LAMA3: variants seen among roughly 807,000 people sequenced by gnomAD.
LAMA3 encodes the protein laminin subunit alpha 3.
In LAMA3, 281 loss-of-function variants were observed where a neutral mutation model predicts 402.0. The observed-to-expected ratio is 0.70, with a 90% CI of 0.63 to 0.77. LAMA3 has a LOEUF of 0.77. Among genes scored for constraint, LAMA3 ranks in the 30% least tolerant of loss-of-function variants. The probability of loss-of-function intolerance (pLI) is 0.00; values close to 1 mark genes in which losing one functional copy is unlikely to be tolerated. For synonymous variants in LAMA3, 1,431 were observed against 1,558.4 expected (o/e 0.92, Z 1.93); for missense variants, 3,840 against 4,215.5 (o/e 0.91, Z 2.47).
intron 38 of LAMA3, chr18:23,872,925 C>G (rs2064573097): frequency 3.1e-6 from 4 of 1,297,982 alleles, no homozygotes; most frequent in East Asian, 2.4e-5. Context: ...AAGGTGGGGC[C>G]CCTGCCGCAG....
At chr18:23,901,758 A>T (rs183791028) in intron 48 of LAMA3, among the ~76,000 whole-genome samples, 1 of 152,354 alleles carries the variant, frequency 6.6e-6, no homozygotes, top group Non-Finnish European at 1.5e-5. Context: ...CTTTATAGGA[A>T]ATAAAAGTAC....
At chr18:23,817,149 A>G (rs2063191834) in intron 18 of LAMA3, among the ~76,000 whole-genome samples, 1 of 152,200 alleles carries the variant, frequency 6.6e-6, no homozygotes. Context: ...AGCAGGTGAC[A>G]ATGAACTATA....
intron 13 of LAMA3, among the ~76,000 whole-genome samples, chr18:23,812,824 G>T (rs1215793185): frequency 6.6e-6 from 1 of 152,184 alleles, no homozygotes; most frequent in Non-Finnish European, 1.5e-5. Flanking sequence ...ACTGTCATGA[G>T]TAGACAGGAT....
chr18:23,775,788 T>C lies in LAMA3; in HGVS notation c.1274-4T>C. On this transcript the variant is annotated splice_polypyrimidine_tract_variant and splice_region_variant and intron_variant, in intron 9 of 74. Coordinates refer to ENST00000313654, the MANE Select transcript of LAMA3 (RefSeq NM_198129.4). The stretch of plus-strand genomic sequence containing the variant: ...GATCCTTTGAAAACTGGGATTTCTC[T>C]TAGCCTGCAGCTGTGACCCTGAGCA... 2 of 1,614,014 alleles carry C rather than the reference T, an allele frequency of 1.2e-6. No homozygotes were observed. The highest frequency in any genetic ancestry group is 2.2e-5 in the South Asian group (2 of 91,074).
intron 6 of LAMA3, among the ~76,000 whole-genome samples, chr18:23,756,984 C>G (rs2061859725): frequency 7.2e-6 from 1 of 138,590 alleles, no homozygotes; most frequent in Non-Finnish European, 1.5e-5. Flanking sequence ...CTGGCTGAAG[C>G]ACCAGGGTGA....
Position 23,935,072 on chromosome 18 carries a change from G to A in LAMA3, c.8862+1137G>A, listed in dbSNP as rs986176929. ...TTTCATTGTAAGGCTGAAAGTTATT[G>A]AGAGACTAAATTAGCCCAGTGATGG... is the stretch of plus-strand genomic sequence containing the variant. On this transcript the variant is annotated intron_variant, in intron 67 of 74. Coordinates refer to ENST00000313654, the MANE Select transcript of LAMA3 (RefSeq NM_198129.4). 3.3e-5 allele frequency among the ~76,000 whole-genome samples: 5 copies of A among 152,306 alleles called. 1 individual carries two copies. Among genetic ancestry groups the A allele is most frequent in the East Asian group, 3.9e-4 (2 of 5,192 alleles).
At chr18:23,909,803 G>A (rs891278) in intron 55 of LAMA3, among the ~76,000 whole-genome samples, 152,365 of 152,378 alleles carry the variant, frequency 1, 76,176 homozygotes, top group Non-Finnish European at 1. Context: ...CTTGTCTCTT[G>A]AGATTTGTTT....
Position 23,839,709 on chromosome 18 carries a change from T to C in LAMA3, c.3192-76T>C. ...CCCATGCAGTCCTATGCTCCAAGTC[T>C]GTCTCTTCACTGATGGTCAGTTCTG... On this transcript the variant is annotated intron_variant, in intron 26 of 74. Coordinates refer to ENST00000313654, the MANE Select transcript of LAMA3 (RefSeq NM_198129.4). The surrounding 1 kb of genome is among the most constrained non-coding windows in gnomAD (Gnocchi z 4.5). The C allele has an allele frequency of 6.6e-7, 1 of 1,513,564 alleles. No individual in the cohort carries two copies. The highest frequency in any genetic ancestry group is 9.2e-7 in the Non-Finnish European group (1 of 1,089,946). The allele number at this position is 1,513,564 out of a possible 1,614,324, so 93.8% of individuals were successfully genotyped here.
At chr18:23,692,721 A>T (rs1304614435) in intron 1 of LAMA3, among the ~76,000 whole-genome samples, 1 of 151,516 alleles carries the variant, frequency 6.6e-6, no homozygotes, top group African/African-American at 2.4e-5. Flanking sequence ...TTTTTTGGCT[A>T]CTCTCAATTC....
intron 62 of LAMA3, among the ~76,000 whole-genome samples, chr18:23,927,303 G>A (rs924281653): frequency 2.0e-5 from 3 of 152,064 alleles, no homozygotes; most frequent in Admixed American, 1.3e-4. Flanking sequence ...CGGGTAGCTG[G>A]GACTACAGGT....
At chr18:23,872,819 A>T (rs1362915930) in intron 38 of LAMA3, 2 of 563,050 alleles carry the variant, frequency 3.6e-6, no homozygotes, top group African/African-American at 3.8e-5. Flanking sequence ...GTGGAAGGTG[A>T]TGCCCGCCCC....
intron 18 of LAMA3, among the ~76,000 whole-genome samples, chr18:23,817,230 G>A (rs1394285343): frequency 2.0e-5 from 3 of 152,140 alleles, no homozygotes; most frequent in African/African-American, 7.2e-5. Flanking sequence ...CATCTCTTAA[G>A]CCATTATATT....
intron 50 of LAMA3, 37 bp downstream of exon 50, chr18:23,904,124 G>A (rs371122996): frequency 1.2e-5 from 19 of 1,611,000 alleles, no homozygotes; most frequent in Non-Finnish European, 1.5e-5. Context: ...AGGGCACGTG[G>A]GCTGAGCTCA....
intron 1 of LAMA3, chr18:23,710,163 A>G (rs1175317569): frequency 2.4e-5 from 16 of 661,980 alleles, no homozygotes; most frequent in Middle Eastern, 7.6e-4. Context: ...AAGGTGGGTG[A>G]CGTGCAGATC....
intron 41 of LAMA3, among the ~76,000 whole-genome samples, chr18:23,889,594 T>G (rs893896933): frequency 7.6e-6 from 1 of 132,360 alleles, no homozygotes; most frequent in Non-Finnish European, 1.6e-5. Flanking sequence ...AAGAGAGAAA[T>G]AAAGAAAGAA....
chr18:23,713,514 T>C (rs1447866128), intron 1 of LAMA3, among the ~76,000 whole-genome samples: 7 of 152,236 alleles, frequency 4.6e-5, no homozygotes, highest in Admixed American at 4.6e-4. Flanking sequence ...GGGATCTTTT[T>C]TGTACCCCAG....
intron 66 of LAMA3, among the ~76,000 whole-genome samples, chr18:23,933,346 A>G (rs2082222434): frequency 6.6e-6 from 1 of 152,236 alleles, no homozygotes; most frequent in Non-Finnish European, 1.5e-5. Context: ...GTAGGAGATG[A>G]AAGTTTCCCT....
chr18:23,859,664 G>T (rs1486715872), intron 34 of LAMA3, among the ~76,000 whole-genome samples: 1 of 152,196 alleles, frequency 6.6e-6, no homozygotes, highest in Non-Finnish European at 1.5e-5. Flanking sequence ...GGGAGTTAGG[G>T]CGCACCATCC....
At chr18:23,800,222 A>G (rs2062842691) in intron 12 of LAMA3, among the ~76,000 whole-genome samples, 1 of 152,212 alleles carries the variant, frequency 6.6e-6, no homozygotes. Flanking sequence ...TGATACAACT[A>G]TCCTGTATAC....
Sources: allele counts gnomAD v4.1 joint callset (sites outside exome capture counted in the v4.1 genomes callset), GRCh38; gene constraint gnomAD v4.1.1; non-coding constraint Gnocchi (gnomAD v3.1); transcripts MANE v1.5; gene names NCBI Gene and HGNC (gene_info 2026-07-23, HGNC 2026-07-21).